OCA2: variants seen among roughly 807,000 people sequenced by gnomAD.
The protein encoded by OCA2 is OCA2 melanosomal transmembrane protein.
In OCA2, 77 loss-of-function variants were observed where a neutral mutation model predicts 100.2. That is an observed-to-expected ratio of 0.77 (90% CI 0.64 to 0.93). OCA2 has a LOEUF of 0.93. Among genes scored for constraint, OCA2 ranks in the 40% least tolerant of loss-of-function variants. OCA2 has a pLI of 0.00. For synonymous variants in OCA2, 432 were observed against 439.2 expected, an observed-to-expected ratio of 0.98 and a Z score of 0.21; for missense variants, 1,062 against 1,089.1, an observed-to-expected ratio of 0.98 and a Z score of 0.35.
At chr15:28,012,195 C>T (rs2042262603) in intron 9 of OCA2, among the ~76,000 whole-genome samples, 1 of 152,174 alleles carries the variant, frequency 6.6e-6, no homozygotes, top group Non-Finnish European at 1.5e-5. Flanking sequence ...TAATATCCAA[C>T]ATTATCATCA....
At chr15:28,054,146 A>G (rs1322196820) in intron 2 of OCA2, among the ~76,000 whole-genome samples, 1 of 152,242 alleles carries the variant, frequency 6.6e-6, no homozygotes, top group Non-Finnish European at 1.5e-5. Context: ...ATGTATACAA[A>G]TACTGTACAT....
At chr15:27,928,544 C>G (rs2039129660) in intron 18 of OCA2, among the ~76,000 whole-genome samples, 1 of 152,172 alleles carries the variant, frequency 6.6e-6, no homozygotes, top group Non-Finnish European at 1.5e-5. Flanking sequence ...GGGCTGCGTT[C>G]CTGTCTGGAG....
chr15:27,906,665 A>C (rs2140226140), intron 19 of OCA2, among the ~76,000 whole-genome samples: 1 of 152,322 alleles, frequency 6.6e-6, no homozygotes, highest in African/African-American at 2.4e-5. Context: ...AAACAATCAG[A>C]CTGACATCAG....
chr15:27,925,735 C>G (rs1178734196), intron 19 of OCA2, among the ~76,000 whole-genome samples: 1 of 152,158 alleles, frequency 6.6e-6, no homozygotes, highest in Non-Finnish European at 1.5e-5. Context: ...CTGATGTAGT[C>G]TTTTCCGTGA....
intron 18 of OCA2, among the ~76,000 whole-genome samples, chr15:27,951,218 G>C (rs1160349251): frequency 2.6e-5 from 4 of 152,206 alleles, no homozygotes; most frequent in Admixed American, 6.5e-5. Context: ...ACAGGCTAGA[G>C]AAAGTGGAGA....
intron 21 of OCA2, among the ~76,000 whole-genome samples, chr15:27,855,294 T>C (rs149617274): frequency 4.1e-4 from 63 of 152,350 alleles, no homozygotes; most frequent in African/African-American, 1.4e-3. Context: ...ATCTCTGAAG[T>C]CTGCCCATGC....
At chr15:28,037,484 T>TAA (rs2043079056) in intron 2 of OCA2, among the ~76,000 whole-genome samples, 1 of 152,184 alleles carries the variant, frequency 6.6e-6, no homozygotes, top group African/African-American at 2.4e-5. Context: ...GAAGCGGGTT[T>TAA]AGGCCTTCTA....
At chr15:27,853,015 C>T (rs1187184601) in intron 21 of OCA2, among the ~76,000 whole-genome samples, 4 of 124,482 alleles carry the variant, frequency 3.2e-5, no homozygotes, top group East Asian at 4.6e-4. Context: ...GTCAGTGTGG[C>T]GATTCCTCAG....
In OCA2 at chr15:27,941,378, T is replaced by A. The variant is rs553608431; in HGVS notation, c.1951+10406A>T. On this transcript the variant is annotated intron_variant, in intron 18 of 23. Transcript: ENST00000354638. ...CACAGTTTAAAAGCTAATGTGGTACTCCGTCAAAATTATCCAACCTTTTAA... is the reference window on the plus strand; with the variant it reads ...CACAGTTTAAAAGCTAATGTGGTACACCGTCAAAATTATCCAACCTTTTAA... Among the ~76,000 whole-genome samples, 3 of 152,324 alleles carry A rather than the reference T, an allele frequency of 2.0e-5. No homozygotes were observed. The South Asian group carries it at 6.2e-4, about 32-fold the overall frequency.
At chr15:27,999,091 C>A (rs2041847062) in intron 9 of OCA2, among the ~76,000 whole-genome samples, 1 of 151,792 alleles carries the variant, frequency 6.6e-6, no homozygotes, top group African/African-American at 2.4e-5. Context: ...GGAGATATAC[C>A]TAATGCTAAA....
At chr15:27,744,396 G>T in the OCA2 span, among the ~76,000 whole-genome samples, 1 of 152,208 alleles carries the variant, frequency 6.6e-6, no homozygotes, top group African/African-American at 2.4e-5. Context: ...CTGGATGGGG[G>T]AACCGTGGGC....
intron 23 of OCA2, among the ~76,000 whole-genome samples, chr15:27,843,168 G>A (rs1263910880): frequency 6.6e-6 from 1 of 152,158 alleles, no homozygotes; most frequent in Non-Finnish European, 1.5e-5. Context: ...GAGAGTAGAG[G>A]AGCCAGTGTA....
chr15:27,740,023 G>T, the OCA2 span, among the ~76,000 whole-genome samples: 1 of 152,176 alleles, frequency 6.6e-6, no homozygotes, highest in African/African-American at 2.4e-5. Context: ...ACTATACACT[G>T]GTTATTTTTT....
At chr15:27,823,888 C>G (rs986748478) in intron 23 of OCA2, among the ~76,000 whole-genome samples, 4 of 152,296 alleles carry the variant, frequency 2.6e-5, no homozygotes, top group African/African-American at 9.6e-5. Flanking sequence ...CATTGCAATA[C>G]TAAGGAGCTT....
At chr15:27,885,137 T>C (rs1567060708) in intron 19 of OCA2, among the ~76,000 whole-genome samples, 1 of 152,204 alleles carries the variant, frequency 6.6e-6, no homozygotes, top group Non-Finnish European at 1.5e-5. Context: ...GTAACTAATA[T>C]TGAAAAATAA....
chr15:27,720,763 C>T, the OCA2 span, among the ~76,000 whole-genome samples: 3,869 of 152,166 alleles, frequency 0.025, 69 homozygotes, highest in South Asian at 0.071. Flanking sequence ...TCACAATTGA[C>T]CAAATGGTAT....
chr15:28,037,171 G>GCTGGGAGTGGGACCAGC, intron 2 of OCA2, among the ~76,000 whole-genome samples: 1 of 151,888 alleles, frequency 6.6e-6, no homozygotes, highest in Non-Finnish European at 1.5e-5. Context: ...TAAAAGAGCT[G>GCTGGGAGTGGGACCAGC]CTGGGAGTGG....
chr15:28,004,585 C>G (rs767755878), intron 9 of OCA2, among the ~76,000 whole-genome samples: 27 of 152,078 alleles, frequency 1.8e-4, no homozygotes, highest in Non-Finnish European at 3.1e-4. Flanking sequence ...CACTCACACA[C>G]TAACTGGTAT....
At chr15:27,817,867 T>C (rs1595460623) in intron 23 of OCA2, among the ~76,000 whole-genome samples, 1 of 152,178 alleles carries the variant, frequency 6.6e-6, no homozygotes, top group Non-Finnish European at 1.5e-5. Context: ...GATGTAGGTG[T>C]CTGTGCATGT....
Sources: allele counts gnomAD v4.1 joint callset (sites outside exome capture counted in the v4.1 genomes callset), GRCh38; gene constraint gnomAD v4.1.1; transcripts MANE v1.5; gene names NCBI Gene and HGNC (gene_info 2026-07-23, HGNC 2026-07-21).